The following ZNF423 variants were observed in gnomAD, a reference collection of about 807,000 sequenced individuals.
The protein encoded by ZNF423 is zinc finger protein 423, also known as Ebf-associated zinc finger protein.
Under a neutral mutation model 95.8 loss-of-function variants are expected in ZNF423, and 12 were observed. The ratio of observed to expected loss-of-function variants is 0.13; its 90% CI spans 0.08 to 0.20. The LOEUF (loss-of-function observed/expected upper bound fraction) is 0.20. ZNF423 is among the 10% of genes least tolerant of loss of function. The pLI is 1.00. For missense variants in ZNF423, 1,316 were observed against 1,737.1 expected, an observed-to-expected ratio of 0.76 and a Z score of 4.31; for synonymous variants, 749 against 711.9, an observed-to-expected ratio of 1.05 and a Z score of -0.83.
chr16:49,811,377 G>C (rs2034749876), intron 1 of ZNF423, among the ~76,000 whole-genome samples: 1 of 152,012 alleles, frequency 6.6e-6, no homozygotes. Context: ...AAATAGGTAG[G>C]TACCAGAAAT....
intron 3 of ZNF423, among the ~76,000 whole-genome samples, chr16:49,654,860 A>G (rs1467516240): frequency 1.3e-5 from 2 of 152,202 alleles, no homozygotes; most frequent in Non-Finnish European, 1.5e-5. Context: ...TTTCCAGAAC[A>G]CAGCAGCTCA....
chr16:49,735,160 G>A (rs374518342), intron 2 of ZNF423, among the ~76,000 whole-genome samples: 3 of 151,922 alleles, frequency 2.0e-5, no homozygotes, highest in Middle Eastern at 3.2e-3. Flanking sequence ...CTCACTTATC[G>A]CCCATCTCCA....
chr16:49,608,749 C>A (rs867819947), intron 5 of ZNF423, among the ~76,000 whole-genome samples: 3 of 152,160 alleles, frequency 2.0e-5, no homozygotes, highest in Non-Finnish European at 2.9e-5. Context: ...AAGATTTTTG[C>A]CTGGCAAAAC....
intron 3 of ZNF423, among the ~76,000 whole-genome samples, chr16:49,701,019 A>G (rs985906456): frequency 2.0e-5 from 3 of 152,210 alleles, no homozygotes; most frequent in African/African-American, 7.2e-5. Flanking sequence ...AGCTCTCTCA[A>G]TGTTATTTTC....
intron 2 of ZNF423, among the ~76,000 whole-genome samples, chr16:49,766,736 G>A (rs1393059810): frequency 6.6e-6 from 1 of 152,208 alleles, no homozygotes; most frequent in Non-Finnish European, 1.5e-5. Flanking sequence ...AGCTTCAGCA[G>A]TGCAGACCGA....
intron 5 of ZNF423, among the ~76,000 whole-genome samples, chr16:49,562,835 G>A (rs994252531): frequency 5.3e-5 from 8 of 152,020 alleles, no homozygotes; most frequent in Non-Finnish European, 1.2e-4. Context: ...CTGGAGTGCA[G>A]TGGCACAACC....
At chr16:49,832,788 A>G (rs1214597619) in intron 1 of ZNF423, among the ~76,000 whole-genome samples, 1 of 152,134 alleles carries the variant, frequency 6.6e-6, no homozygotes, top group Non-Finnish European at 1.5e-5. Flanking sequence ...CAGAAGAGAC[A>G]TGCCCACCTA....
intron 1 of ZNF423, chr16:49,847,781 G>C (rs1277445884): frequency 1.3e-5 from 2 of 152,168 alleles, no homozygotes; most frequent in African/African-American, 2.4e-5. Flanking sequence ...AAAATTCATG[G>C]TGGTGACAGC....
intron 5 of ZNF423, among the ~76,000 whole-genome samples, chr16:49,585,598 T>C (rs1365618863): frequency 6.6e-6 from 1 of 152,198 alleles, no homozygotes; most frequent in African/African-American, 2.4e-5. Context: ...GACTGTTGAG[T>C]CTAATGTTAT....
intron 2 of ZNF423, among the ~76,000 whole-genome samples, chr16:49,772,220 G>A (rs1030160940): frequency 6.6e-6 from 1 of 152,236 alleles, no homozygotes; most frequent in Non-Finnish European, 1.5e-5. Context: ...CCAAGGGCAG[G>A]AGAAGACGGA....
In ZNF423 at chr16:49,595,147, G is replaced by A. The variant is rs555164091; in HGVS notation, c.3601+31023C>T. Reference sequence around the variant, plus strand: ...AGGGAGTGCTGCTGAGGTGGGGGTGGGGGGGTCTCTCTTGTGTCCCCTCCT... The same window carrying A: ...AGGGAGTGCTGCTGAGGTGGGGGTGAGGGGGTCTCTCTTGTGTCCCCTCCT... On this transcript the variant is annotated intron_variant, in intron 5 of 7. Coordinates refer to ENST00000563137, the MANE Select transcript of ZNF423 (RefSeq NM_001379286.1). Among the ~76,000 whole-genome samples, 11 of 152,268 alleles carry A rather than the reference G, an allele frequency of 7.2e-5. No homozygotes were observed. In the East Asian group the frequency reaches 1.9e-3, roughly 27 times the overall value.
chr16:49,713,270 G>A (rs2032600786), intron 3 of ZNF423, among the ~76,000 whole-genome samples: 1 of 152,182 alleles, frequency 6.6e-6, no homozygotes. Flanking sequence ...GCTATAAACT[G>A]GGGCTGATCT....
At chr16:49,614,295 G>T (rs750908246) in intron 5 of ZNF423, among the ~76,000 whole-genome samples, 1 of 152,056 alleles carries the variant, frequency 6.6e-6, no homozygotes, top group Non-Finnish European at 1.5e-5. Context: ...AATAGTGACA[G>T]AACAAATGCT....
intron 1 of ZNF423, among the ~76,000 whole-genome samples, chr16:49,806,386 C>T (rs145631191): frequency 6.6e-6 from 1 of 152,344 alleles, no homozygotes; most frequent in East Asian, 1.9e-4. Context: ...TTTGCTGTTT[C>T]GGGTGGAAAG....
At chr16:49,740,314 C>A (rs2033387995) in intron 2 of ZNF423, among the ~76,000 whole-genome samples, 1 of 152,184 alleles carries the variant, frequency 6.6e-6, no homozygotes, top group South Asian at 2.1e-4. Flanking sequence ...TCGTTTGGGT[C>A]CTGCTCACAG....
chr16:49,512,494 G>C (rs920462197), intron 7 of ZNF423, among the ~76,000 whole-genome samples: 9 of 152,370 alleles, frequency 5.9e-5, no homozygotes, highest in Admixed American at 3.9e-4. Flanking sequence ...CTTGGTGGCA[G>C]GGCTGGCATC....
intron 1 of ZNF423, among the ~76,000 whole-genome samples, chr16:49,795,672 C>G (rs553971130): frequency 6.6e-6 from 1 of 152,196 alleles, no homozygotes; most frequent in South Asian, 2.1e-4. Context: ...GCCCCGCCCC[C>G]ACAGGGATGG....
At chr16:49,836,419 C>A (rs2035121014) in intron 1 of ZNF423, among the ~76,000 whole-genome samples, 1 of 152,016 alleles carries the variant, frequency 6.6e-6, no homozygotes. Flanking sequence ...CTCGGGGGAT[C>A]AAGGTGTTGT....
intron 3 of ZNF423, among the ~76,000 whole-genome samples, chr16:49,640,098 G>A (rs1006236880): frequency 2.6e-5 from 4 of 152,062 alleles, no homozygotes; most frequent in Non-Finnish European, 5.9e-5. Context: ...TTGTAACCCC[G>A]AGGAAATAAA....
Sources: allele counts gnomAD v4.1 joint callset (sites outside exome capture counted in the v4.1 genomes callset), GRCh38; gene constraint gnomAD v4.1.1; transcripts MANE v1.5; gene names NCBI Gene and HGNC (gene_info 2026-07-23, HGNC 2026-07-21).